Variants in BRCC3 observed in about 807,000 individuals in gnomAD.
BRCC3 encodes the protein lys-63-specific deubiquitinase BRCC36.
In BRCC3, 15 loss-of-function variants were observed where a neutral mutation model predicts 28.0. That is an observed-to-expected ratio of 0.54 (90% confidence interval 0.36 to 0.82). The LOEUF is 0.82. Among genes scored for constraint, BRCC3 ranks in the 40% least tolerant of loss-of-function variants. BRCC3 has a pLI of 0.01. For missense variants in BRCC3, 109 were observed against 225.9 expected, an observed-to-expected ratio of 0.48 and a Z score of 3.32; for synonymous variants, 66 against 80.3, an observed-to-expected ratio of 0.82 and a Z score of 0.95.
At chrX:155,121,143 A>G (rs1409207316) in intron 10 of BRCC3, 80 bp from the exon 11 acceptor site, 2 of 112,202 alleles carry the variant, frequency 1.8e-5, no homozygotes, top group Non-Finnish European at 3.8e-5. Context: ...ACTAGCCTTG[A>G]GCATATGGAA....
In BRCC3 at chrX:155,116,192, G is replaced by C. The variant is rs1272955458; in HGVS notation, c.680+4G>C. The C allele has an allele frequency of 1.0e-5, 12 of 1,176,638 alleles. No individual in the cohort carries two copies. The highest frequency in any genetic ancestry group is 1.4e-5 in the Non-Finnish European group (12 of 877,722). On this transcript the variant is annotated splice_donor_region_variant and intron_variant, in intron 8 of 10. Transcript: ENST00000330045. Reference sequence around the variant, plus strand: ...ATGCGTATAGGAGGATCCACAGGTAGAGACCCTCTTCACTCCTCTTCTCTA... The same window carrying C: ...ATGCGTATAGGAGGATCCACAGGTACAGACCCTCTTCACTCCTCTTCTCTA...
chrX:155,099,540 T>C (rs1337565443), intron 7 of BRCC3, among the ~76,000 whole-genome samples: 1 of 112,023 alleles, frequency 8.9e-6, no homozygotes, highest in Non-Finnish European at 1.9e-5. Flanking sequence ...CTAGGAAATC[T>C]AGTCTTTTAC....
At chrX:155,072,304 T>G (rs782514212) in intron 1 of BRCC3, 23 bp from the exon 2 acceptor site, 11 of 1,187,919 alleles carry the variant, frequency 9.3e-6, no homozygotes, top group South Asian at 5.4e-5. Context: ...ATCAATAATG[T>G]TTTTTGCTTT....
At chrX:155,115,012 A>T (rs782091122) in intron 7 of BRCC3, among the ~76,000 whole-genome samples, 3 of 112,029 alleles carry the variant, frequency 2.7e-5, no homozygotes, top group Non-Finnish European at 5.6e-5. Flanking sequence ...TACAATGATA[A>T]GAACGATGGC....
At chrX:155,086,331 G>C (rs1424895127) in intron 5 of BRCC3, among the ~76,000 whole-genome samples, 1 of 111,355 alleles carries the variant, frequency 9.0e-6, no homozygotes, top group African/African-American at 3.3e-5. Flanking sequence ...GTCTTGTAGA[G>C]AACCCCACCT....
rs139607131 is a variant in BRCC3 at position 155,090,503 on chromosome X, A to C, written c.493-281A>C. On this transcript the variant is annotated intron_variant, in intron 6 of 10. Transcript: ENST00000330045. ...TATTGTCATCATAAGTAGTTGTTGA[A>C]TAAGTTTGTCAGCTTTCAGGATGGC... Among the ~76,000 whole-genome samples, 3 of 112,029 alleles carry C rather than the reference A, an allele frequency of 2.7e-5. No homozygotes were observed. The East Asian group carries it at 8.4e-4, about 31-fold the overall frequency.
chrX:155,097,984 A>T (rs1557296469), intron 7 of BRCC3, among the ~76,000 whole-genome samples: 1 of 112,286 alleles, frequency 8.9e-6, no homozygotes, highest in Non-Finnish European at 1.9e-5. Context: ...AAAAACAAAA[A>T]AAAAGGAAGC....
intron 7 of BRCC3, among the ~76,000 whole-genome samples, chrX:155,105,307 A>G (rs1166181331): frequency 9.0e-6 from 1 of 110,727 alleles, no homozygotes; most frequent in Non-Finnish European, 1.9e-5. Context: ...ACATGGTGAA[A>G]CCCCATCTCT....
At chrX:155,099,757 TA>T (rs2074235618) in intron 7 of BRCC3, among the ~76,000 whole-genome samples, 1 of 112,172 alleles carries the variant, frequency 8.9e-6, no homozygotes, top group Non-Finnish European at 1.9e-5. Context: ...ATGCCTCTTA[TA>T]AAATATAGCA....
At chrX:155,075,703 T>C (rs1557293527) in intron 3 of BRCC3, among the ~76,000 whole-genome samples, 1 of 112,632 alleles carries the variant, frequency 8.9e-6, no homozygotes, top group East Asian at 2.8e-4. Context: ...ATCTCTGCCA[T>C]CTGCTTAGCC....
At chrX:155,074,857 G>T (rs2074018466) in intron 3 of BRCC3, among the ~76,000 whole-genome samples, 1 of 111,206 alleles carries the variant, frequency 9.0e-6, no homozygotes, top group African/African-American at 3.3e-5. Context: ...CTTATTAGTG[G>T]TAAATACTTT....
At position 155,071,587 on chromosome X, in the gene BRCC3, C is replaced by G; in HGVS notation, c.60C>G (p.Leu20=). ...QAVHLESDAF[L]VCLNHALSTE... The stretch of plus-strand genomic sequence containing the variant: ...TTCATCTCGAGTCTGACGCTTTCCT[C>G]GTTTGTCTCAACCACGCTCTGAGCA... The change falls in exon 1 of 11, where the codon CTC becomes CTG. Residue 20 remains leucine (L), a synonymous_variant. Transcript: ENST00000330045. 1 of 1,210,075 alleles carries G rather than the reference C, an allele frequency of 8.3e-7. No homozygotes were observed. The highest frequency in any genetic ancestry group is 3.0e-5 in the East Asian group (1 of 33,799).
chrX:155,109,420 C>T (rs1289612295), intron 7 of BRCC3, among the ~76,000 whole-genome samples: 2 of 111,477 alleles, frequency 1.8e-5, no homozygotes, highest in African/African-American at 6.5e-5. Context: ...TTGATGTATC[C>T]CTCCATTTAT....
In BRCC3 at chrX:155,120,180, C is replaced by A; in HGVS notation, c.*18+12C>A. The A allele has an allele frequency of 1.7e-6, 2 of 1,162,772 alleles. No individual in the cohort carries two copies. The highest frequency in any genetic ancestry group is 2.3e-6 in the Non-Finnish European group (2 of 854,912). ...GGAGACAAAATGGGGTAAAAAACTT[C>A]TTTTTCAATTTGTGTACTAAACACA... On this transcript the variant is annotated intron_variant, in intron 10 of 10. Coordinates refer to ENST00000330045, the MANE Select transcript of BRCC3 (RefSeq NM_001018055.3).
rs782215776 is a variant in BRCC3, at chrX:155,099,427, T to G, written c.548+8588T>G. ...AAAGGGGCCTGTCCCCCAGCTCAACTGATTTCCAATAAGTGACCTTCCCAG... is the reference window on the plus strand; with the variant it reads ...AAAGGGGCCTGTCCCCCAGCTCAACGGATTTCCAATAAGTGACCTTCCCAG... On this transcript the variant is annotated intron_variant, in intron 7 of 10. Coordinates refer to ENST00000330045, the MANE Select transcript of BRCC3 (RefSeq NM_001018055.3). 3.4e-6 allele frequency: 4 copies of G among 1,191,675 alleles called. No individual in the cohort carries two copies. In the East Asian group the frequency reaches 1.2e-4, roughly 36 times the overall value.
chrX:155,092,395 G>A (rs1193035006), intron 7 of BRCC3, among the ~76,000 whole-genome samples: 1 of 111,731 alleles, frequency 9.0e-6, no homozygotes, highest in African/African-American at 3.3e-5. Flanking sequence ...AAGCATCTAT[G>A]TTCTGTGTTG....
Position 155,071,638 on chromosome X carries a change from G to C in BRCC3, c.111G>C (p.Leu37=). The C allele has an allele frequency of 2.5e-6, 3 of 1,208,678 alleles. No individual in the cohort carries two copies. The highest frequency in any genetic ancestry group is 3.4e-6 in the Non-Finnish European group (3 of 893,827). Residue 37 remains leucine, a synonymous_variant, in exon 1 of 11, where the codon CTG becomes CTC. Transcript: ENST00000330045. ...CAGAGAAGGAGGAAGTAATGGGGCTGTGCATAGGGGAGGTGAGTAGGTCTG... is the reference window on the plus strand; with the variant it reads ...CAGAGAAGGAGGAAGTAATGGGGCTCTGCATAGGGGAGGTGAGTAGGTCTG... ...LSTEKEEVMG[L]CIGELNDDTR...
At chrX:155,089,438 C>A (rs969183559) in intron 6 of BRCC3, 87 bp downstream of exon 6, 4 of 555,137 alleles carry the variant, frequency 7.2e-6, no homozygotes, top group Middle Eastern at 6.0e-4. Context: ...AATCTCTTTG[C>A]GATTTTAATA....
At chrX:155,079,274 G>A in intron 5 of BRCC3, among the ~76,000 whole-genome samples, 1 of 111,624 alleles carries the variant, frequency 9.0e-6, no homozygotes, top group South Asian at 3.7e-4. Context: ...GTGGCAACCT[G>A]TGAGTTAGAG....
Sources: allele counts gnomAD v4.1 joint callset (sites outside exome capture counted in the v4.1 genomes callset), GRCh38; gene constraint gnomAD v4.1.1; transcripts MANE v1.5; gene names NCBI Gene and HGNC (gene_info 2026-07-23, HGNC 2026-07-21).